The following MYO15A variants were observed in gnomAD, a reference collection of about 807,000 sequenced individuals.
MYO15A encodes unconventional myosin-XV.
A neutral mutation model predicts 394.6 loss-of-function variants in MYO15A; 308 were observed. The ratio of observed to expected loss-of-function variants is 0.78; its 90% confidence interval spans 0.71 to 0.86. MYO15A has a LOEUF of 0.86. Among genes scored for constraint, MYO15A ranks in the 40% least tolerant of loss-of-function variants. The pLI is 0.00. For missense variants in MYO15A, 4,606 were observed against 4,799.1 expected, an observed-to-expected ratio of 0.96 and a Z score of 1.19; for synonymous variants, 1,957 against 2,003.8, an observed-to-expected ratio of 0.98 and a Z score of 0.62.
intron 19 of MYO15A, 108 bp from the exon 20 acceptor site, chr17:18,140,409 A>C: frequency 6.8e-7 from 1 of 1,467,882 alleles, no homozygotes; most frequent in Non-Finnish European, 9.4e-7. Context: ...GGGTCCAGTT[A>C]GTCTTCAGAT....
At chr17:18,141,573 C>A in intron 22 of MYO15A, 80 bp from the exon 23 acceptor site, 1 of 1,353,742 alleles carries the variant, frequency 7.4e-7, no homozygotes, top group Non-Finnish European at 1.1e-6. Context: ...GGACACCTGG[C>A]TGGGGGCAGT....
In MYO15A at chr17:18,120,099, C is replaced by T. The variant is rs763225345; in HGVS notation, c.1299C>T (p.Ala433=). Residue 433 remains alanine (A), a synonymous_variant, in exon 2 of 66, where the codon GCC becomes GCT. Transcript: ENST00000647165. ...NPYAHAMDDI[A]ELEEPEDAGV... is the part of the protein sequence containing the mutation. ...ATGCCCACGCCATGGATGACATCGC[C>T]GAGCTGGAGGAACCAGAGGACGCGG... The T allele has an allele frequency of 1.2e-6, 2 of 1,612,518 alleles. No individual in the cohort carries two copies. Among genetic ancestry groups the T allele is most frequent in the Non-Finnish European group, 1.7e-6 (2 of 1,179,384 alleles).
chr17:18,153,720 T>C lies in MYO15A; in HGVS notation c.7967-55T>C, dbSNP rs1486764848. On this transcript the variant is annotated intron_variant, in intron 42 of 65. Transcript: ENST00000647165. The surrounding 1 kb of genome is among the most constrained non-coding windows in gnomAD (Gnocchi z 4.1). The stretch of plus-strand genomic sequence containing the variant: ...TCTCAAAAATATATATATATATTAA[T>C]TAAATAAAAAAACGAGGTGCCTTCT... The C allele has an allele frequency of 1.5e-5, 23 of 1,538,250 alleles. No homozygotes were observed. Among genetic ancestry groups the C allele is most frequent in the Non-Finnish European group, 1.9e-5 (22 of 1,143,024 alleles).
rs761639435 is a variant in MYO15A, at chr17:18,140,530, T to A, written c.5225T>A (p.Leu1742His). The A allele has an allele frequency of 6.2e-7, 1 of 1,613,558 alleles. No individual in the cohort carries two copies. Among genetic ancestry groups the A allele is most frequent in the Non-Finnish European group, 8.5e-7 (1 of 1,180,032 alleles). The change falls in exon 20 of 66, where the codon CTC (leucine) becomes CAC (histidine). Residue 1742 changes from leucine (L) to histidine (H), a missense_variant. Physicochemically the swap from Leu to His is moderately conservative, Grantham distance 99. Coordinates refer to ENST00000647165, the MANE Select transcript of MYO15A (RefSeq NM_016239.4). ...ACCCCTGCCCAGGTGGTGGCACACCTCTTCTCCAGCCATGCCCCACAGGCT... is the reference window on the plus strand; with the variant it reads ...ACCCCTGCCCAGGTGGTGGCACACCACTTCTCCAGCCATGCCCCACAGGCT... The part of the protein sequence containing the change: ...VRSRTRVVAH[L>H]FSSHAPQAAP...
intron 65 of MYO15A, among the ~76,000 whole-genome samples, chr17:18,176,329 G>C (rs1231864654): frequency 6.6e-6 from 1 of 152,024 alleles, no homozygotes; most frequent in Non-Finnish European, 1.5e-5. Flanking sequence ...AGGCAAAGGG[G>C]AAGCAGGCAC....
In MYO15A at chr17:18,154,125, C is replaced by G; in HGVS notation, c.8089-6C>G. The G allele has an allele frequency of 1.2e-6, 2 of 1,613,988 alleles. No individual in the cohort carries two copies. The highest frequency in any genetic ancestry group is 1.7e-6 in the Non-Finnish European group (2 of 1,180,022). On this transcript the variant is annotated splice_region_variant and splice_polypyrimidine_tract_variant and intron_variant, in intron 43 of 65. Transcript: ENST00000647165. ...GACAGTACCCACTGAAGCCCCGCCCCTGCAGGTGTTTTACCCCAAGGACAG... is the reference window on the plus strand; with the variant it reads ...GACAGTACCCACTGAAGCCCCGCCCGTGCAGGTGTTTTACCCCAAGGACAG...
At chr17:18,135,988 T>G (rs2046260122) in intron 13 of MYO15A, among the ~76,000 whole-genome samples, 164 bp downstream of exon 13, 1 of 152,192 alleles carries the variant, frequency 6.6e-6, no homozygotes, top group Non-Finnish European at 1.5e-5. Flanking sequence ...ACATTTCAGA[T>G]TCCAGTCTCA....
At position 18,171,642 on chromosome 17, in the gene MYO15A, G is replaced by T; in HGVS notation, c.10087G>T (p.Glu3363Ter). ...TTCCCCTTCCTCCGTACACAGGCGG[G>T]AAGTCCAGGAGTACATCCCAGCCCA... Reference protein sequence around the residue: ...KDHFYLPSVREVQEYIPAQLY... With the variant: ...KDHFYLPSVR Residue 3363 changes from glutamate to a stop codon, truncating the protein, a stop_gained, in exon 63 of 66, where the codon GAA (glutamate) becomes TAA (stop). Transcript: ENST00000647165. LOFTEE classifies it high-confidence loss of function. 6.2e-7 allele frequency: 1 copy of T among 1,613,890 alleles called. No individual in the cohort carries two copies. Among genetic ancestry groups the T allele is most frequent in the Non-Finnish European group, 8.5e-7 (1 of 1,180,050 alleles).
intron 1 of MYO15A, among the ~76,000 whole-genome samples, chr17:18,111,344 A>G (rs2045717860): frequency 1.4e-4 from 1 of 7,230 alleles, no homozygotes; most frequent in Non-Finnish European, 3.1e-4. Context: ...CAAAAGAGAA[A>G]AAAAAAAAAA....
chr17:18,125,018 A>ACTTCCCTATTCTCTGCCTTTTTCTTC, intron 3 of MYO15A, 150 bp from the exon 4 acceptor site: 1 of 764,230 alleles, frequency 1.3e-6, no homozygotes, highest in Non-Finnish European at 2.3e-6. Context: ...ATAGGGAAGT[A>ACTTCCCTATTCTCTGCCTTTTTCTTC]ATTTGTCCAA....
At position 18,119,118 on chromosome 17, in the gene MYO15A, C is replaced by A. The variant is rs757837740; in HGVS notation, c.318C>A (p.Phe106Leu). ...CGATGAAGGGCAAGAAGCCGTCCTT[C>A]ATGGTGATCCGCTTCCCAGGCCGCC... The part of the protein sequence containing the change: ...KRAMKGKKPS[F>L]MVIRFPGRRG... Residue 106 changes from phenylalanine (F) to leucine (L), a missense_variant, in exon 2 of 66, where the codon TTC becomes TTA. Coordinates refer to ENST00000647165, the MANE Select transcript of MYO15A (RefSeq NM_016239.4). 6.2e-7 allele frequency: 1 copy of A among 1,612,050 alleles called. No individual in the cohort carries two copies. Among genetic ancestry groups the A allele is most frequent in the South Asian group, 1.1e-5 (1 of 91,020 alleles).
At position 18,149,591 on chromosome 17, in the gene MYO15A, T is replaced by C. The variant is rs767926474; in HGVS notation, c.7212+11T>C. ...TCCTACGGGGATGCGGTAGGGATGG[T>C]GTGGGGTGGGTCATTTGCAGACAGC... On this transcript the variant is annotated intron_variant, in intron 35 of 65. Coordinates refer to ENST00000647165, the MANE Select transcript of MYO15A (RefSeq NM_016239.4). 4 of 1,613,104 alleles carry C rather than the reference T, an allele frequency of 2.5e-6. No homozygotes were observed. In the East Asian group the frequency reaches 8.9e-5, roughly 36 times the overall value.
At position 18,148,211 on chromosome 17, in the gene MYO15A, G is replaced by A; in HGVS notation, c.6691+1G>A. ...GCGCTGGACGTGGGCTGCTTCAATG[G>A]TAAGCTGCCTTCCCCCACCTCAGTG... is the stretch of plus-strand genomic sequence containing the variant. On this transcript the variant is annotated splice_donor_variant, in intron 31 of 65. Transcript: ENST00000647165. LOFTEE classifies it high-confidence loss of function. The surrounding 1 kb of genome is among the most constrained non-coding windows in gnomAD (Gnocchi z 4.8). 6.2e-7 allele frequency: 1 copy of A among 1,613,560 alleles called. No individual in the cohort carries two copies. Among genetic ancestry groups the A allele is most frequent in the Non-Finnish European group, 8.5e-7 (1 of 1,180,030 alleles).
At chr17:18,173,747 C>T in intron 64 of MYO15A, 34 bp from the exon 65 acceptor site, 1 of 1,613,632 alleles carries the variant, frequency 6.2e-7, no homozygotes, top group South Asian at 1.1e-5. Context: ...TCCTCGCCCA[C>T]AGGCCTGTCC....
At chr17:18,176,069 C>T (rs536382988) in intron 65 of MYO15A, among the ~76,000 whole-genome samples, 11 of 152,318 alleles carry the variant, frequency 7.2e-5, no homozygotes, top group African/African-American at 2.6e-4. Flanking sequence ...CCTAACCTTC[C>T]TCCCTAAGAA....
At position 18,143,429 on chromosome 17, in the gene MYO15A, G is replaced by A. The variant is rs1323947326; in HGVS notation, c.5911-137G>A. Reference sequence around the variant, plus strand: ...CCTCCCGCCCCACCTGTGGAGTGGGGCAGTCACCTCCACACAACAGGCAAG... The same window carrying A: ...CCTCCCGCCCCACCTGTGGAGTGGGACAGTCACCTCCACACAACAGGCAAG... On this transcript the variant is annotated intron_variant, in intron 25 of 65. Transcript: ENST00000647165. 5.2e-6 allele frequency: 5 copies of A among 965,488 alleles called. No individual in the cohort carries two copies. In the African/African-American group the frequency reaches 6.5e-5, roughly 13 times the overall value. 59.8% of individuals were successfully genotyped at this position (965,488 alleles called of 1,614,324 possible).
chr17:18,111,623 C>G (rs1208614739), intron 1 of MYO15A, among the ~76,000 whole-genome samples: 1 of 152,242 alleles, frequency 6.6e-6, no homozygotes, highest in African/African-American at 2.4e-5. Context: ...GCAGCCTCAG[C>G]TGACTACTAT....
chr17:18,136,025 C>T (rs971657770), intron 13 of MYO15A, among the ~76,000 whole-genome samples: 8 of 152,162 alleles, frequency 5.3e-5, no homozygotes, highest in Non-Finnish European at 1.0e-4. Context: ...GTTTCCTCTA[C>T]CCGGAATGCT....
chr17:18,171,747 C>A lies in MYO15A; in HGVS notation c.10192C>A (p.His3398Asn). Reference protein sequence around the residue: ...HRQQTQALSPHQARAQFLGLL... With the variant: ...HRQQTQALSPNQARAQFLGLL... ...GCAGCAGACACAGGCGCTCAGCCCC[C>A]ACCAGGCCCGTGCCCAGTTTCTGGG... The change falls in exon 63 of 66, where the codon CAC becomes AAC. Residue 3398 changes from histidine (H) to asparagine (N), a missense_variant. By Grantham distance (68) the His-to-Asn change is moderately conservative. Coordinates refer to ENST00000647165, the MANE Select transcript of MYO15A (RefSeq NM_016239.4). 6.2e-7 allele frequency: 1 copy of A among 1,611,490 alleles called. No homozygotes were observed. Among genetic ancestry groups the A allele is most frequent in the South Asian group, 1.1e-5 (1 of 91,076 alleles).
Sources: allele counts gnomAD v4.1 joint callset (sites outside exome capture counted in the v4.1 genomes callset), GRCh38; gene constraint gnomAD v4.1.1; non-coding constraint Gnocchi (gnomAD v3.1); transcripts MANE v1.5; gene names NCBI Gene and HGNC (gene_info 2026-07-23, HGNC 2026-07-21).